DDAH1: variants seen among roughly 807,000 people sequenced by gnomAD.
DDAH1 encodes the protein N(G),N(G)-dimethylarginine dimethylaminohydrolase 1.
A neutral mutation model predicts 28.8 loss-of-function variants in DDAH1; 19 were observed. The observed-to-expected ratio is 0.66, with a 90% confidence interval of 0.46 to 0.97. The LOEUF (loss-of-function observed/expected upper bound fraction) is 0.97. Among genes scored for constraint, DDAH1 ranks in the 50% least tolerant of loss-of-function variants. DDAH1 has a pLI of 0.00. For synonymous variants in DDAH1, 153 were observed against 154.4 expected (o/e 0.99, Z 0.07); for missense variants, 326 against 375.9 (o/e 0.87, Z 1.10).
intron 1 of DDAH1, among the ~76,000 whole-genome samples, chr1:85,530,379 T>C (rs1342069040): frequency 1.3e-5 from 2 of 152,104 alleles, no homozygotes; most frequent in South Asian, 2.1e-4. Flanking sequence ...CCACATGAAA[T>C]TGTCATTTAG....
intron 1 of DDAH1, among the ~76,000 whole-genome samples, chr1:85,507,527 T>TAAATAAATAAATAAATAAACAAACAAAC (rs71075841): frequency 3.2e-4 from 48 of 149,362 alleles, no homozygotes; most frequent in African/African-American, 6.9e-4. Flanking sequence ...AATAAATAAA[T>TAAATAAATAAATAAATAAACAAACAAAC]AAACAAACAA....
At chr1:85,416,771 A>C (rs897431626) in intron 1 of DDAH1, among the ~76,000 whole-genome samples, 1 of 151,942 alleles carries the variant, frequency 6.6e-6, no homozygotes, top group African/African-American at 2.4e-5. Context: ...GGGCTCAAGC[A>C]ATCCTCTCAT....
chr1:85,380,306 C>T (rs558414486), intron 1 of DDAH1: 3 of 152,272 alleles, frequency 2.0e-5, no homozygotes, highest in African/African-American at 7.2e-5. Context: ...AGTAATTTCT[C>T]AATTATTTGA....
chr1:85,354,917 T>C (rs1363945944), intron 2 of DDAH1, among the ~76,000 whole-genome samples: 1 of 151,524 alleles, frequency 6.6e-6, no homozygotes, highest in Non-Finnish European at 1.5e-5. Context: ...AAGAAAGAAA[T>C]GTGAAGGAAG....
intron 1 of DDAH1, among the ~76,000 whole-genome samples, chr1:85,364,097 T>G (rs564607133): frequency 1.2e-4 from 18 of 152,222 alleles, no homozygotes; most frequent in African/African-American, 3.9e-4. Flanking sequence ...GTATACCCAT[T>G]TTATATATGA....
intron 1 of DDAH1, among the ~76,000 whole-genome samples, chr1:85,402,274 T>G (rs1652152096): frequency 1.3e-5 from 2 of 151,658 alleles, no homozygotes; most frequent in Non-Finnish European, 2.9e-5. Flanking sequence ...GTGCTGGGAT[T>G]ACAGGTGTGA....
intron 1 of DDAH1, among the ~76,000 whole-genome samples, chr1:85,544,563 C>A (rs760381555): frequency 6.6e-6 from 1 of 152,076 alleles, no homozygotes; most frequent in East Asian, 1.9e-4. Flanking sequence ...ACTCAGACAC[C>A]CAGAAGGCTT....
chr1:85,475,869 C>G (rs1218278353), intron 2 of DDAH1, among the ~76,000 whole-genome samples: 1 of 151,954 alleles, frequency 6.6e-6, no homozygotes, highest in Non-Finnish European at 1.5e-5. Context: ...TTGGTTTTTT[C>G]GAGACATGGT....
chr1:85,407,816 A>G (rs2100590395), intron 1 of DDAH1, among the ~76,000 whole-genome samples: 1 of 152,340 alleles, frequency 6.6e-6, no homozygotes, highest in African/African-American at 2.4e-5. Flanking sequence ...TTATGCATAC[A>G]TGTAAAGATT....
At chr1:85,429,347 ATTCT>A (rs944315698) in intron 1 of DDAH1, among the ~76,000 whole-genome samples, 7 of 152,084 alleles carry the variant, frequency 4.6e-5, no homozygotes, top group Non-Finnish European at 1.0e-4. Flanking sequence ...ACATGAATTC[ATTCT>A]TTCTTATGGT....
At chr1:85,366,844 T>C (rs1650101783) in intron 1 of DDAH1, among the ~76,000 whole-genome samples, 1 of 152,156 alleles carries the variant, frequency 6.6e-6, no homozygotes, top group Non-Finnish European at 1.5e-5. Flanking sequence ...TAACTTATGA[T>C]ACTTATATTT....
chr1:85,356,662 A>G (rs1649503367), intron 2 of DDAH1, among the ~76,000 whole-genome samples: 2 of 152,238 alleles, frequency 1.3e-5, no homozygotes, highest in Non-Finnish European at 2.9e-5. Context: ...ATATCCCAAC[A>G]TCATCTCAGT....
chr1:85,432,865 C>A (rs1653757601), intron 1 of DDAH1, among the ~76,000 whole-genome samples: 1 of 152,146 alleles, frequency 6.6e-6, no homozygotes, highest in African/African-American at 2.4e-5. Flanking sequence ...AAATTAGGGG[C>A]ATGAACTGAT....
intron 2 of DDAH1, among the ~76,000 whole-genome samples, chr1:85,357,064 A>G (rs1039264753): frequency 1.3e-5 from 2 of 152,240 alleles, no homozygotes; most frequent in African/African-American, 2.4e-5. Flanking sequence ...ACAAAAGCCT[A>G]TTTTGTTAGA....
Position 85,342,407 on chromosome 1 carries a change from T to A in DDAH1, c.597+8008A>T, listed in dbSNP as rs530510964. On this transcript the variant is annotated intron_variant, in intron 4 of 5. Coordinates refer to ENST00000284031, the MANE Select transcript of DDAH1 (RefSeq NM_012137.4). Reference sequence around the variant, plus strand: ...CTATGAGTGTGTGTGTGTGTGTGTGTGTGTGTTGGAGGAGGAGGTATGGGA... The same window carrying A: ...CTATGAGTGTGTGTGTGTGTGTGTGAGTGTGTTGGAGGAGGAGGTATGGGA... Among the ~76,000 whole-genome samples, 5 of 152,068 alleles carry A rather than the reference T, an allele frequency of 3.3e-5. No homozygotes were observed. The East Asian group carries it at 9.7e-4, about 29-fold the overall frequency.
At position 85,500,467 on chromosome 1, in the gene DDAH1, T is replaced by C. The variant is rs1656784931; in HGVS notation, c.-122-4186A>G. Among the ~76,000 whole-genome samples, 3 of 152,148 alleles carry C rather than the reference T, an allele frequency of 2.0e-5. No homozygotes were observed. The South Asian group carries it at 6.2e-4, about 31-fold the overall frequency. ...TGGGTCTTGCGCAGAATGAGTCTTTTCCTCATACTGCTATTAAAACTTTTT... is the reference window on the plus strand; with the variant it reads ...TGGGTCTTGCGCAGAATGAGTCTTTCCCTCATACTGCTATTAAAACTTTTT... On this transcript the variant is annotated intron_variant, in intron 1 of 6. Transcript: ENST00000426972.
rs564136846 is a variant in DDAH1 at position 85,444,630 on chromosome 1, C to G, written c.303+20113G>C. Reference sequence around the variant, plus strand: ...TCCTGAGAATGTTGTGAGTGCTAAACTGTACTGAATATAGTCTACTCAATT... The same window carrying G: ...TCCTGAGAATGTTGTGAGTGCTAAAGTGTACTGAATATAGTCTACTCAATT... On this transcript the variant is annotated intron_variant, in intron 1 of 5. Transcript: ENST00000284031. Among the ~76,000 whole-genome samples, 4 of 152,304 alleles carry G rather than the reference C, an allele frequency of 2.6e-5. No homozygotes were observed. In the East Asian group the frequency reaches 7.7e-4, roughly 29 times the overall value.
At chr1:85,334,658 G>T (rs1372765480) in intron 4 of DDAH1, among the ~76,000 whole-genome samples, 2 of 151,800 alleles carry the variant, frequency 1.3e-5, no homozygotes, top group African/African-American at 4.8e-5. Flanking sequence ...CTTCCACCAT[G>T]ATTAGGTTTC....
At chr1:85,496,240 C>T (rs1375996935) in exon 2 of DDAH1, 1 of 985,120 alleles carries the variant, frequency 1.0e-6, no homozygotes, top group South Asian at 4.7e-5. Flanking sequence ...ACTGAAAAGT[C>T]TTGGCCAAAG....
Sources: gnomAD v4.1 joint callset for allele counts (sites outside exome capture counted in the v4.1 genomes callset) on GRCh38, gnomAD v4.1.1 for gene constraint, MANE v1.5 for transcripts, NCBI Gene and HGNC (gene_info 2026-07-23, HGNC 2026-07-21) for gene names.